The following PHIP variants were observed in gnomAD, a reference collection of about 807,000 sequenced individuals.
PHIP encodes the protein PHIP subunit of CUL4-Ring ligase complex.
A neutral mutation model predicts 236.8 loss-of-function variants in PHIP; 54 were observed. That is an observed-to-expected ratio of 0.23 (90% confidence interval 0.18 to 0.29). PHIP has a LOEUF of 0.29. Ranked by LOEUF, PHIP falls within the 10% of genes least tolerant of loss-of-function variation. The probability of loss-of-function intolerance (pLI) is 1.00; values close to 1 mark genes in which losing one functional copy is unlikely to be tolerated. For synonymous variants in PHIP, 756 were observed against 718.9 expected, an observed-to-expected ratio of 1.05 and a Z score of -0.83; for missense variants, 1,370 against 2,190.8, an observed-to-expected ratio of 0.63 and a Z score of 7.48.
chr6:78,940,496 TTA>T lies in PHIP; in HGVS notation c.*195_*196del, dbSNP rs55984056. The T allele has an allele frequency of 0.54, 70,182 of 130,504 alleles. 19,276 individuals are homozygous for T. The highest frequency in any genetic ancestry group is 0.65 in the African/African-American group (22,635 of 35,036). 8.1% of individuals were successfully genotyped at this position (130,504 alleles called of 1,614,324 possible). A position where few individuals can be genotyped will look rare whatever the true frequency, so the allele number is the denominator to read the frequency against. On this transcript the variant is annotated 3_prime_UTR_variant, in exon 40 of 40. Coordinates refer to ENST00000275034, the MANE Select transcript of PHIP (RefSeq NM_017934.7). ...ACATTTAAAATATATATGTATATAT[TTA>T]TATATATATATATATATTCATTTAA...
chr6:78,979,585 T>C, intron 23 of PHIP, among the ~76,000 whole-genome samples: 1 of 152,166 alleles, frequency 6.6e-6, no homozygotes, highest in East Asian at 1.9e-4. Flanking sequence ...TTCCTTAACT[T>C]TGCTGGTCAC....
chr6:78,940,196 G>C lies in PHIP; in HGVS notation c.*497C>G, dbSNP rs1773417010. ...GTGGAAATTTTATATTTATCTTTTA[G>C]AGGAAACATTTCTTAATTCACTGCT... On this transcript the variant is annotated 3_prime_UTR_variant, in exon 40 of 40. Coordinates refer to ENST00000275034, the MANE Select transcript of PHIP (RefSeq NM_017934.7). The C allele has an allele frequency of 2.0e-5, 3 of 151,890 alleles. No individual in the cohort carries two copies. Among genetic ancestry groups the C allele is most frequent in the Non-Finnish European group, 4.4e-5 (3 of 67,900 alleles). 9.4% of individuals were successfully genotyped at this position (151,890 alleles called of 1,614,324 possible). A position where few individuals can be genotyped will look rare whatever the true frequency, so the allele number is the denominator to read the frequency against.
At chr6:78,949,273 C>T (rs921011638) in intron 35 of PHIP, among the ~76,000 whole-genome samples, 1 of 152,104 alleles carries the variant, frequency 6.6e-6, no homozygotes, top group Non-Finnish European at 1.5e-5. Flanking sequence ...GATCTGGTAC[C>T]TGGGGGGCCT....
At chr6:79,023,064 C>G (rs778303037) in intron 9 of PHIP, among the ~76,000 whole-genome samples, 8 of 152,090 alleles carry the variant, frequency 5.3e-5, no homozygotes, top group Non-Finnish European at 1.0e-4. Context: ...ATCTAAAGAG[C>G]AATGGATTGT....
chr6:79,003,699 A>G lies in PHIP; in HGVS notation c.1653+31T>C, dbSNP rs909311968. On this transcript the variant is annotated intron_variant, in intron 16 of 39. Transcript: ENST00000275034. The stretch of plus-strand genomic sequence containing the variant: ...CCCTAAACATGCATTAAAAAAAAAT[A>G]AGGACATGATATATAGTCATCATAC... 4 of 1,481,772 alleles carry G rather than the reference A, an allele frequency of 2.7e-6. No individual in the cohort carries two copies. In the Admixed American group the frequency reaches 7.2e-5, roughly 27 times the overall value. The allele number at this position is 1,481,772 out of a possible 1,614,324, so 91.8% of individuals were successfully genotyped here. A position where few individuals can be genotyped will look rare whatever the true frequency, so the allele number is the denominator to read the frequency against.
Position 78,993,939 on chromosome 6 carries a change from A to G in PHIP, c.2202-2954T>C, listed in dbSNP as rs562520030. ...GCAAAATACATTGAAAACCTTCTAG[A>G]AAGGATTCACCATTGTAGATGCCAT... On this transcript the variant is annotated intron_variant, in intron 19 of 39. Transcript: ENST00000275034. Among the ~76,000 whole-genome samples the G allele has an allele frequency of 3.9e-5, 6 of 152,348 alleles. No individual in the cohort carries two copies. In the South Asian group the frequency reaches 1.0e-3, roughly 26 times the overall value.
chr6:78,935,013 A>C lies in PHIP; in HGVS notation c.*5680T>G, dbSNP rs1773216882. On this transcript the variant is annotated 3_prime_UTR_variant, in exon 40 of 40. Transcript: ENST00000275034. ...CGAAGTACTATATTGCAAGGAACAG[A>C]GGTTTTGTGCTTTGGTCTTTAATCT... Among the ~76,000 whole-genome samples the C allele has an allele frequency of 6.6e-6, 1 of 152,186 alleles. No homozygotes were observed. Among genetic ancestry groups the C allele is most frequent in the Non-Finnish European group, 1.5e-5 (1 of 68,024 alleles).
intron 35 of PHIP, among the ~76,000 whole-genome samples, chr6:78,954,065 C>T (rs1766241203): frequency 6.6e-6 from 1 of 152,086 alleles, no homozygotes; most frequent in African/African-American, 2.4e-5. Context: ...AATAATGTCA[C>T]CTTACATTTG....
At chr6:78,946,587 C>G (rs571612973) in intron 37 of PHIP, 124 bp downstream of exon 37, 3 of 1,415,858 alleles carry the variant, frequency 2.1e-6, no homozygotes, top group African/African-American at 3.0e-5. Flanking sequence ...ATCATAGGAA[C>G]TTGCATGTCA....
chr6:79,078,004 C>T, intron 1 of PHIP, 25 bp downstream of exon 1: 2 of 1,606,958 alleles, frequency 1.2e-6, no homozygotes, highest in Non-Finnish European at 1.7e-6. Context: ...CCGGTGCCAG[C>T]GGCCCCGGCA....
At chr6:78,962,965 A>G (rs1766880914) in intron 30 of PHIP, 132 bp downstream of exon 30, 6 of 681,920 alleles carry the variant, frequency 8.8e-6, no homozygotes, top group Middle Eastern at 2.6e-4. Context: ...TCAAAAAGAG[A>G]TTCCACTTAA....
intron 13 of PHIP, 99 bp from the exon 14 acceptor site, chr6:79,015,882 A>G: frequency 4.1e-6 from 3 of 723,620 alleles, no homozygotes; most frequent in South Asian, 2.1e-5. Flanking sequence ...CACTAACATA[A>G]TAACTATCAC....
At chr6:78,945,852 CTT>C in intron 38 of PHIP, 147 bp downstream of exon 38, 1 of 660,154 alleles carries the variant, frequency 1.5e-6, no homozygotes, top group Non-Finnish European at 2.6e-6. Context: ...TTATTAAAAA[CTT>C]TTTTTTAAAA....
In PHIP at chr6:79,029,793, G is replaced by T. The variant is rs150060335; in HGVS notation, c.601-3629C>A. On this transcript the variant is annotated intron_variant, in intron 7 of 39. Coordinates refer to ENST00000275034, the MANE Select transcript of PHIP (RefSeq NM_017934.7). The stretch of plus-strand genomic sequence containing the variant: ...AATCCACCCACCTTGGCCTCCCAAC[G>T]TGCTGGGATTACAGGCTATAAATGT... 8.8e-3 allele frequency among the ~76,000 whole-genome samples: 1,332 copies of T among 152,222 alleles called. 21 individuals are homozygous for T. The highest frequency in any genetic ancestry group is 0.029 in the African/African-American group (1,206 of 41,500).
intron 15 of PHIP, among the ~76,000 whole-genome samples, chr6:79,004,188 T>C (rs761247725): frequency 3.3e-5 from 5 of 152,118 alleles, no homozygotes; most frequent in Non-Finnish European, 7.4e-5. Context: ...CGTTCAATCA[T>C]GCCCTTTCTG....
At chr6:79,059,944 T>G (rs753996180) in intron 6 of PHIP, among the ~76,000 whole-genome samples, 6 of 151,948 alleles carry the variant, frequency 3.9e-5, no homozygotes, top group Non-Finnish European at 8.8e-5. Context: ...GAGAGAGAGA[T>G]AGAAGACACC....
Position 78,935,529 on chromosome 6 carries a change from C to A in PHIP, c.*5164G>T. Reference sequence around the variant, plus strand: ...TGAAATGTATCTCTTACGAAAGTATCTGAATAGTGAAGTATTTATCACTCA... The same window carrying A: ...TGAAATGTATCTCTTACGAAAGTATATGAATAGTGAAGTATTTATCACTCA... On this transcript the variant is annotated 3_prime_UTR_variant, in exon 40 of 40. Coordinates refer to ENST00000275034, the MANE Select transcript of PHIP (RefSeq NM_017934.7). The A allele has an allele frequency of 1.0e-6, 1 of 974,008 alleles. No individual in the cohort carries two copies. Among genetic ancestry groups the A allele is most frequent in the Non-Finnish European group, 1.2e-6 (1 of 819,680 alleles). The allele number at this position is 974,008 out of a possible 1,614,324, so 60.3% of individuals were successfully genotyped here.
At chr6:78,976,510 C>A (rs1293472998) in intron 24 of PHIP, among the ~76,000 whole-genome samples, 4 of 102,196 alleles carry the variant, frequency 3.9e-5, no homozygotes, top group Non-Finnish European at 6.2e-5. Context: ...GCAACCAAAG[C>A]CAAAATTGAC....
At position 79,030,932 on chromosome 6, in the gene PHIP, T is replaced by A. The variant is rs113874252; in HGVS notation, c.601-4768A>T. 3.4e-5 allele frequency among the ~76,000 whole-genome samples: 5 copies of A among 149,096 alleles called. 1 individual carries two copies. Among genetic ancestry groups the A allele is most frequent in the Non-Finnish European group, 5.9e-5 (4 of 67,778 alleles). On this transcript the variant is annotated intron_variant, in intron 7 of 39. Transcript: ENST00000275034. ...TCACTTGTTTCATTTTTCTTTCTTGTTTTTTTTTGTTTGTTTGTTTGTTTG... is the reference window on the plus strand; with the variant it reads ...TCACTTGTTTCATTTTTCTTTCTTGATTTTTTTTGTTTGTTTGTTTGTTTG...
Sources: allele counts gnomAD v4.1 joint callset (sites outside exome capture counted in the v4.1 genomes callset), GRCh38; gene constraint gnomAD v4.1.1; transcripts MANE v1.5; gene names NCBI Gene and HGNC (gene_info 2026-07-23, HGNC 2026-07-21).